STK10: variants seen among roughly 807,000 people sequenced by gnomAD.
STK10 encodes serine/threonine kinase 10, also known as serine/threonine-protein kinase 10.
In STK10, 78 loss-of-function variants were observed where a neutral mutation model predicts 113.8. The observed-to-expected ratio is 0.69, with a 90% confidence interval of 0.57 to 0.83. The LOEUF is 0.83. Among genes scored for constraint, STK10 ranks in the 40% least tolerant of loss-of-function variants. The pLI is 0.00. For synonymous variants in STK10, 465 were observed against 494.7 expected, an observed-to-expected ratio of 0.94 and a Z score of 0.80; for missense variants, 1,109 against 1,280.1, an observed-to-expected ratio of 0.87 and a Z score of 2.04.
At chr5:172,149,394 G>T (rs1287399144) in intron 2 of STK10, among the ~76,000 whole-genome samples, 1 of 152,194 alleles carries the variant, frequency 6.6e-6, no homozygotes, top group Admixed American at 6.5e-5. Flanking sequence ...GCCTTAGGGT[G>T]TCTGTCCCCT....
chr5:172,110,403 A>G (rs1330511946), intron 4 of STK10, among the ~76,000 whole-genome samples: 1 of 151,714 alleles, frequency 6.6e-6, no homozygotes, highest in African/African-American at 2.4e-5. Flanking sequence ...CCTGCCTGAC[A>G]TGCCACATGT....
At chr5:172,164,736 C>T (rs994517316) in intron 1 of STK10, among the ~76,000 whole-genome samples, 2 of 152,132 alleles carry the variant, frequency 1.3e-5, no homozygotes, top group East Asian at 3.9e-4. Flanking sequence ...TCTTGGAAAG[C>T]TAAGGGTGGT....
chr5:172,188,223 G>T lies in STK10; in HGVS notation c.-181C>A, dbSNP rs1770996835. 1.8e-6 allele frequency: 2 copies of T among 1,104,148 alleles called. No individual in the cohort carries two copies. The highest frequency in any genetic ancestry group is 2.4e-6 in the Non-Finnish European group (2 of 830,282). 68.4% of individuals were successfully genotyped at this position (1,104,148 alleles called of 1,614,324 possible). On this transcript the variant is annotated 5_prime_UTR_variant, in exon 1 of 19. Coordinates refer to ENST00000176763, the MANE Select transcript of STK10 (RefSeq NM_005990.4). This position sits in a 1 kb window ranked among gnomAD's most constrained non-coding sequence, Gnocchi z 5.6. Reference sequence around the variant, plus strand: ...TGCCCTGGGCAGCGCCGCGCCGGGAGCACCCGGAACCGCGCAGGCGGCGGC... The same window carrying T: ...TGCCCTGGGCAGCGCCGCGCCGGGATCACCCGGAACCGCGCAGGCGGCGGC...
chr5:172,091,507 G>C (rs1239185030), intron 9 of STK10, among the ~76,000 whole-genome samples: 1 of 150,676 alleles, frequency 6.6e-6, no homozygotes, highest in Admixed American at 6.6e-5. Flanking sequence ...ACTGCCTCTG[G>C]CCTCTTGGTT....
intron 12 of STK10, among the ~76,000 whole-genome samples, chr5:172,081,489 C>CT (rs1768427952): frequency 6.6e-6 from 1 of 152,086 alleles, no homozygotes; most frequent in Admixed American, 6.6e-5. Flanking sequence ...GCAGTATTCG[C>CT]TTTATTGCGG....
At position 172,064,800 on chromosome 5, in the gene STK10, C is replaced by A; in HGVS notation, c.2002G>T (p.Val668Leu). 1 of 1,614,162 alleles carries A rather than the reference C, an allele frequency of 6.2e-7. No homozygotes were observed. The highest frequency in any genetic ancestry group is 8.5e-7 in the Non-Finnish European group (1 of 1,180,040). ...KLMKKEVKNE[V>L]EKLPRQQRKE... is the part of the protein sequence containing the mutation. Reference sequence around the variant, plus strand: ...CGCTGCTGTCGGGGGAGCTTCTCCACCTCGTTCTTCACCTGCAGCAGAGAC... The same window carrying A: ...CGCTGCTGTCGGGGGAGCTTCTCCAACTCGTTCTTCACCTGCAGCAGAGAC... The change falls in exon 13 of 19, where the codon GTG becomes TTG. Residue 668 changes from valine to leucine, a missense_variant. By Grantham distance (32) the Val-to-Leu change is conservative (BLOSUM62 1). This residue lies in a region of STK10 where 885 missense variants were observed against 991.1 expected (regional missense o/e 0.89). Coordinates refer to ENST00000176763, the MANE Select transcript of STK10 (RefSeq NM_005990.4).
At chr5:172,089,194 C>G (rs552527690) in intron 10 of STK10, among the ~76,000 whole-genome samples, 34 of 152,342 alleles carry the variant, frequency 2.2e-4, no homozygotes, top group Admixed American at 9.8e-4. Flanking sequence ...AGGCCTGGCT[C>G]AGGGGCTTCC....
Position 172,094,866 on chromosome 5 carries a change from G to A in STK10, c.1006-906C>T, listed in dbSNP as rs542082236. 2.0e-5 allele frequency among the ~76,000 whole-genome samples: 3 copies of A among 152,296 alleles called. No homozygotes were observed. In the South Asian group the frequency reaches 6.2e-4, roughly 32 times the overall value. ...TTCAGCTTCATTTTTGTTTTTTAGAGTCTTTGTTGGGTGGAAAGTACTGGA... is the reference window on the plus strand; with the variant it reads ...TTCAGCTTCATTTTTGTTTTTTAGAATCTTTGTTGGGTGGAAAGTACTGGA... On this transcript the variant is annotated intron_variant, in intron 8 of 18. Transcript: ENST00000176763.
chr5:172,099,480 A>G (rs1235014984), intron 7 of STK10, among the ~76,000 whole-genome samples: 1 of 152,218 alleles, frequency 6.6e-6, no homozygotes, highest in Non-Finnish European at 1.5e-5. Context: ...GGCAGAGGTT[A>G]CAGTGAACCA....
chr5:172,152,257 T>C (rs1176324495), intron 2 of STK10, among the ~76,000 whole-genome samples: 2 of 152,180 alleles, frequency 1.3e-5, no homozygotes, highest in African/African-American at 2.4e-5. Context: ...ATCGAGTTGG[T>C]AGCTTGAAAC....
chr5:172,116,683 C>T (rs372160684), intron 4 of STK10, among the ~76,000 whole-genome samples: 2 of 151,376 alleles, frequency 1.3e-5, no homozygotes, highest in African/African-American at 4.9e-5. Flanking sequence ...GCCTGGCCAA[C>T]ATGGTGAAAC....
At chr5:172,073,589 C>T (rs1353601429) in intron 12 of STK10, among the ~76,000 whole-genome samples, 1 of 152,102 alleles carries the variant, frequency 6.6e-6, no homozygotes, top group Non-Finnish European at 1.5e-5. Context: ...TAAGCCACTG[C>T]ATCTGGCAGA....
intron 1 of STK10, among the ~76,000 whole-genome samples, chr5:172,185,453 G>A (rs1770938578): frequency 6.6e-6 from 1 of 152,138 alleles, no homozygotes; most frequent in Non-Finnish European, 1.5e-5. Flanking sequence ...ATTTTTAGTA[G>A]AGACAGGGTT....
intron 16 of STK10, among the ~76,000 whole-genome samples, 178 bp from the exon 17 acceptor site, chr5:172,054,872 A>T (rs1186963767): frequency 6.6e-6 from 1 of 152,216 alleles, no homozygotes; most frequent in African/African-American, 2.4e-5. Flanking sequence ...GCTGAGACCC[A>T]GCCCCAGCCC....
chr5:172,066,649 G>A (rs545269511), intron 12 of STK10, among the ~76,000 whole-genome samples: 108 of 152,346 alleles, frequency 7.1e-4, no homozygotes, highest in African/African-American at 2.5e-3. Flanking sequence ...TCAGCCGGGT[G>A]TGGTGGCACA....
intron 4 of STK10, among the ~76,000 whole-genome samples, chr5:172,114,296 G>GTGTA (rs1769314874): frequency 6.9e-6 from 1 of 143,920 alleles, no homozygotes; most frequent in Admixed American, 6.7e-5. Flanking sequence ...TCTCGTGTGT[G>GTGTA]TGTGTGTGTG....
chr5:172,081,913 G>A (rs1768438825), intron 12 of STK10, among the ~76,000 whole-genome samples: 1 of 152,164 alleles, frequency 6.6e-6, no homozygotes, highest in Non-Finnish European at 1.5e-5. Context: ...TGGGGAGGAG[G>A]AGGAGGCAGA....
chr5:172,133,741 T>G lies in STK10; in HGVS notation c.322-6320A>C, dbSNP rs1381048660. 6.6e-6 allele frequency among the ~76,000 whole-genome samples: 1 copy of G among 152,220 alleles called. No individual in the cohort carries two copies. The highest frequency in any genetic ancestry group is 1.9e-4 in the East Asian group (1 of 5,200). On this transcript the variant is annotated intron_variant, in intron 2 of 18. Coordinates refer to ENST00000176763, the MANE Select transcript of STK10 (RefSeq NM_005990.4). This position sits in a 1 kb window ranked among gnomAD's most constrained non-coding sequence, Gnocchi z 4.9. ...AGAACAAGCCTGCTCCCTACTGACT[T>G]TTTAGGCAGAATATGCAAACGAATT...
At chr5:172,065,109 A>G (rs866402390) in intron 12 of STK10, among the ~76,000 whole-genome samples, 3 of 152,174 alleles carry the variant, frequency 2.0e-5, no homozygotes, top group Non-Finnish European at 2.9e-5. Context: ...CCTGCAGGGA[A>G]GTGTTTCTCA....
Sources: allele counts gnomAD v4.1 joint callset (sites outside exome capture counted in the v4.1 genomes callset), GRCh38; gene constraint gnomAD v4.1.1; regional missense constraint gnomAD v4.1.1; non-coding constraint Gnocchi (gnomAD v3.1); transcripts MANE v1.5; gene names NCBI Gene and HGNC (gene_info 2026-07-23, HGNC 2026-07-21).